The following SAMMSON variants were observed in gnomAD, a reference collection of about 807,000 sequenced individuals.
The protein encoded by SAMMSON is survival associated mitochondrial melanoma specific oncogenic non-coding RNA, also known as long intergenic non-protein coding RNA 1212.
At chr3:70,225,109 C>T (rs1488376010) in intron 4 of SAMMSON, among the ~76,000 whole-genome samples, 1 of 152,096 alleles carries the variant, frequency 6.6e-6, no homozygotes, top group Non-Finnish European at 1.5e-5. Context: ...AGATCTTTCT[C>T]CATATAAGAA....
intron 2 of SAMMSON, among the ~76,000 whole-genome samples, chr3:70,408,176 T>C (rs1379772400): frequency 6.6e-6 from 1 of 152,150 alleles, no homozygotes; most frequent in Admixed American, 6.5e-5. Context: ...GAAACCATTT[T>C]CTCCTAGGCC....
intron 4 of SAMMSON, among the ~76,000 whole-genome samples, chr3:70,160,039 ATAAATTCT>A (rs1322525760): frequency 8.5e-5 from 13 of 152,080 alleles, no homozygotes. Context: ...ATTTCTGGAT[ATAAATTCT>A]TTGTTAGACA....
At chr3:70,318,345 T>A (rs6771989) in intron 7 of SAMMSON, among the ~76,000 whole-genome samples, 91,952 of 151,754 alleles carry the variant, frequency 0.61, 28,277 homozygotes, top group Admixed American at 0.67. Context: ...TTTGAATAAT[T>A]CCTATAGATT....
intron 4 of SAMMSON, among the ~76,000 whole-genome samples, chr3:70,077,770 C>T (rs548907937): frequency 6.6e-5 from 10 of 152,244 alleles, no homozygotes; most frequent in South Asian, 2.1e-4. Context: ...CACACATCTC[C>T]GACCTCAGGG....
At chr3:70,227,894 G>A (rs1701523653) in intron 4 of SAMMSON, among the ~76,000 whole-genome samples, 1 of 152,094 alleles carries the variant, frequency 6.6e-6, no homozygotes, top group African/African-American at 2.4e-5. Context: ...CCAGAAAAGA[G>A]CATGAGCTTT....
At chr3:70,336,859 G>GT (rs1553656690) in intron 7 of SAMMSON, among the ~76,000 whole-genome samples, 14 of 119,132 alleles carry the variant, frequency 1.2e-4, no homozygotes, top group Non-Finnish European at 2.2e-4. Flanking sequence ...TGTGTGTGTG[G>GT]AGAGAGAGAG....
At chr3:70,384,068 G>A (rs544780505) in intron 9 of SAMMSON, among the ~76,000 whole-genome samples, 11 of 151,910 alleles carry the variant, frequency 7.2e-5, no homozygotes, top group African/African-American at 2.7e-4. Flanking sequence ...ACTAAACCCA[G>A]GAGCAGAAAG....
At chr3:70,223,930 C>G (rs1559538996) in intron 4 of SAMMSON, among the ~76,000 whole-genome samples, 1 of 152,174 alleles carries the variant, frequency 6.6e-6, no homozygotes, top group African/African-American at 2.4e-5. Context: ...TCCTCTCCCC[C>G]CACCCTTTTG....
chr3:70,376,534 T>G (rs1160031874), intron 9 of SAMMSON, among the ~76,000 whole-genome samples: 2 of 152,174 alleles, frequency 1.3e-5, no homozygotes, highest in Non-Finnish European at 2.9e-5. Flanking sequence ...CACCTTGTCA[T>G]AGAATGTTTT....
chr3:70,379,863 G>A (rs1703051106), intron 9 of SAMMSON, among the ~76,000 whole-genome samples: 1 of 152,044 alleles, frequency 6.6e-6, no homozygotes, highest in African/African-American at 2.4e-5. Flanking sequence ...GGTATTTGTT[G>A]CCTATGTTTA....
At chr3:70,037,750 T>C (rs1349992790) in intron 3 of SAMMSON, among the ~76,000 whole-genome samples, 1 of 152,232 alleles carries the variant, frequency 6.6e-6, no homozygotes, top group African/African-American at 2.4e-5. Context: ...TCTTTCCAGT[T>C]GAGCTGGAAT....
intron 4 of SAMMSON, among the ~76,000 whole-genome samples, chr3:70,243,453 C>T (rs1391183802): frequency 6.6e-6 from 1 of 152,172 alleles, no homozygotes. Context: ...TTCAGAGTTG[C>T]TTAAATCCTA....
chr3:70,143,348 G>T (rs955910298), intron 4 of SAMMSON, among the ~76,000 whole-genome samples: 1 of 150,858 alleles, frequency 6.6e-6, no homozygotes, highest in Non-Finnish European at 1.5e-5. Flanking sequence ...TCCATAAGAA[G>T]AATCAGGGTA....
At chr3:70,267,578 A>ATTTTTTTTTTTTTT (rs377637066) in intron 6 of SAMMSON, among the ~76,000 whole-genome samples, 1 of 132,806 alleles carries the variant, frequency 7.5e-6, no homozygotes, top group African/African-American at 2.9e-5. Context: ...AATTTTTTGT[A>ATTTTTTTTTTTTTT]TTTTTTTTTT....
chr3:70,371,735 G>A (rs1203283807), intron 9 of SAMMSON, among the ~76,000 whole-genome samples: 3 of 151,842 alleles, frequency 2.0e-5, no homozygotes. Context: ...GTTTCTTCGT[G>A]GAGTCTTTTG....
chr3:70,362,077 T>G (rs1163300677), intron 9 of SAMMSON, among the ~76,000 whole-genome samples: 1 of 152,222 alleles, frequency 6.6e-6, no homozygotes, highest in East Asian at 1.9e-4. Context: ...TTTACAATTC[T>G]GTGTTAAATG....
chr3:70,115,545 G>A (rs1401597862), intron 4 of SAMMSON, among the ~76,000 whole-genome samples: 2 of 152,156 alleles, frequency 1.3e-5, no homozygotes, highest in African/African-American at 4.8e-5. Flanking sequence ...GAGAGTCAGA[G>A]ATACTGATTA....
intron 1 of SAMMSON, among the ~76,000 whole-genome samples, chr3:70,004,508 A>G (rs1165140581): frequency 1.3e-5 from 2 of 152,168 alleles, no homozygotes; most frequent in African/African-American, 2.4e-5. Context: ...AAGGGATCCT[A>G]GAGACAACAT....
intron 4 of SAMMSON, among the ~76,000 whole-genome samples, chr3:70,146,760 A>G (rs1356999293): frequency 6.6e-6 from 1 of 152,032 alleles, no homozygotes; most frequent in Non-Finnish European, 1.5e-5. Flanking sequence ...CAGGGGACAA[A>G]GCAAAGATGT....
Sources: gnomAD v4.1 joint callset for allele counts (sites outside exome capture counted in the v4.1 genomes callset) on GRCh38, gnomAD v4.1.1 for gene constraint, MANE v1.5 for transcripts, NCBI Gene and HGNC (gene_info 2026-07-23, HGNC 2026-07-21) for gene names.